ARRDC5: variants seen among roughly 807,000 people sequenced by gnomAD.
ARRDC5 encodes the protein arrestin domain containing 5, also known as arrestin domain-containing protein 5.
A neutral mutation model predicts 13.3 loss-of-function variants in ARRDC5; 12 were observed. The ratio of observed to expected loss-of-function variants is 0.90; its 90% CI spans 0.58 to 1.46. The LOEUF (loss-of-function observed/expected upper bound fraction) is 1.46, where lower values mean the gene tolerates loss of function less well. ARRDC5 is among the 40% of genes most tolerant of loss of function. The probability of loss-of-function intolerance (pLI) is 0.00; values close to 1 mark genes in which losing one functional copy is unlikely to be tolerated. For synonymous variants in ARRDC5, 181 were observed against 173.4 expected, an observed-to-expected ratio of 1.04 and a Z score of -0.34; for missense variants, 406 against 418.7, an observed-to-expected ratio of 0.97 and a Z score of 0.26.
chr19:4,911,429 T>C, the ARRDC5 span, among the ~76,000 whole-genome samples: 1 of 152,182 alleles, frequency 6.6e-6, no homozygotes, highest in Non-Finnish European at 1.5e-5. Flanking sequence ...TTTTCTTTTT[T>C]AAACATCCAC....
chr19:4,896,563 C>G (rs1466356362), intron 2 of ARRDC5, 108 bp downstream of exon 2: 9 of 805,606 alleles, frequency 1.1e-5, no homozygotes, highest in Non-Finnish European at 1.8e-5. Context: ...CTGCCAACAC[C>G]CTTCCCTTCT....
rs756148998 is a variant in ARRDC5 at position 4,891,214 on chromosome 19, C to G, written c.819G>C (p.Glu273Asp). ...LSVSSSTQDGEIMHTRYELVT... is the reference protein window; with the variant it reads ...LSVSSSTQDGDIMHTRYELVT... ...CCAGCTCGTAGCGAGTGTGCATGAT[C>G]TCACCGTCCTGCGTGCTGCTGCTCA... Residue 273 changes from glutamate to aspartate, a missense_variant, in exon 3 of 3, where the codon GAG (glutamate) becomes GAC (aspartate). Coordinates refer to ENST00000650722, the MANE Select transcript of ARRDC5 (RefSeq NM_001080523.3). 6 of 1,613,870 alleles carry G rather than the reference C, an allele frequency of 3.7e-6. No homozygotes were observed. The highest frequency in any genetic ancestry group is 2.5e-6 in the Non-Finnish European group (3 of 1,179,862).
Position 4,891,551 on chromosome 19 carries a change from T to G in ARRDC5, c.482A>C (p.Glu161Ala), listed in dbSNP as rs779416771. 6 of 1,613,096 alleles carry G rather than the reference T, an allele frequency of 3.7e-6. No individual in the cohort carries two copies. Among genetic ancestry groups the G allele is most frequent in the Non-Finnish European group, 5.1e-6 (6 of 1,179,562 alleles). Reference protein sequence around the residue: ...PFQNPLFVEAEEKVSYNCCRQ... With the variant: ...PFQNPLFVEAAEKVSYNCCRQ... Reference sequence around the variant, plus strand: ...GCAGCAGTTGTAGGAGACTTTCTCCTCAGCCTCCACGAACAAGGGGTTCTA... The same window carrying G: ...GCAGCAGTTGTAGGAGACTTTCTCCGCAGCCTCCACGAACAAGGGGTTCTA... Residue 161 changes from glutamate to alanine, a missense_variant, in exon 3 of 3, where the codon GAG (glutamate) becomes GCG (alanine). Transcript: ENST00000650722.
At chr19:4,911,961 C>G in the ARRDC5 span, among the ~76,000 whole-genome samples, 1 of 152,148 alleles carries the variant, frequency 6.6e-6, no homozygotes, top group Non-Finnish European at 1.5e-5. Context: ...GGTACTGCTG[C>G]CATCTGGTGT....
At chr19:4,916,699 C>A in the ARRDC5 span, among the ~76,000 whole-genome samples, 1,546 of 152,362 alleles carry the variant, frequency 0.01, 22 homozygotes, top group African/African-American at 0.032. Context: ...CTCCTGCATC[C>A]GTTTTTCCTT....
chr19:4,909,739 AG>A, the ARRDC5 span: 5 of 488,128 alleles, frequency 1.0e-5, no homozygotes, highest in Non-Finnish European at 1.8e-5. Context: ...CCGCGCGGCC[AG>A]CCCGGGCGCA....
Position 4,890,779 on chromosome 19 carries a change from A to G in ARRDC5, c.*267T>C. 2.4e-6 allele frequency: 1 copy of G among 421,272 alleles called. No homozygotes were observed. The highest frequency in any genetic ancestry group is 4.6e-5 in the East Asian group (1 of 21,670). The allele number at this position is 421,272 out of a possible 1,614,324, so 26.1% of individuals were successfully genotyped here. A position where few individuals can be genotyped will look rare whatever the true frequency, so the allele number is the denominator to read the frequency against. Reference sequence around the variant, plus strand: ...CCTGGTCTTGGCACTGTGAGACCCCAGTAGGCTGGGGCAGACTCAGGGTGG... The same window carrying G: ...CCTGGTCTTGGCACTGTGAGACCCCGGTAGGCTGGGGCAGACTCAGGGTGG... On this transcript the variant is annotated 3_prime_UTR_variant, in exon 3 of 3. Transcript: ENST00000650722.
chr19:4,891,337 G>C lies in ARRDC5; in HGVS notation c.696C>G (p.Asp232Glu), dbSNP rs1348650946. ...CCTCCTGCCTCAGAAGCTCGCTGCTGTCCAGCCGAGACCGCCGCTCTGCAC... is the reference window on the plus strand; with the variant it reads ...CCTCCTGCCTCAGAAGCTCGCTGCTCTCCAGCCGAGACCGCCGCTCTGCAC... ...TPSAERRSRL[D>E]SSELLRQEAN... The change falls in exon 3 of 3, where the codon GAC (aspartate) becomes GAG (glutamate). Residue 232 changes from aspartate to glutamate, a missense_variant. Asp to Glu is a conservative substitution (Grantham distance 45, BLOSUM62 2). Transcript: ENST00000650722. 4 of 1,613,710 alleles carry C rather than the reference G, an allele frequency of 2.5e-6. No homozygotes were observed. Among genetic ancestry groups the C allele is most frequent in the Non-Finnish European group, 3.4e-6 (4 of 1,179,872 alleles).
At chr19:4,916,103 T>C in the ARRDC5 span, among the ~76,000 whole-genome samples, 163 of 150,970 alleles carry the variant, frequency 1.1e-3, no homozygotes, top group African/African-American at 3.8e-3. Flanking sequence ...AGGTTGGGAG[T>C]TTGAGACCAG....
At chr19:4,900,350 T>C (rs2031877557) in intron 1 of ARRDC5, among the ~76,000 whole-genome samples, 1 of 151,374 alleles carries the variant, frequency 6.6e-6, no homozygotes, top group Non-Finnish European at 1.5e-5. Flanking sequence ...ACTCTTGTCC[T>C]CTGGTGATCT....
chr19:4,893,647 T>C (rs141687002), intron 2 of ARRDC5, among the ~76,000 whole-genome samples: 2,034 of 150,160 alleles, frequency 0.014, 20 homozygotes, highest in Non-Finnish European at 0.021. Flanking sequence ...TCCCAGCACT[T>C]TGGGGAGGCC....
the ARRDC5 span, chr19:4,910,760 C>A: frequency 7.7e-7 from 1 of 1,305,060 alleles, no homozygotes; most frequent in Non-Finnish European, 1.0e-6. Flanking sequence ...GAAGGGCATC[C>A]TGGGAGTTTC....
chr19:4,904,113 A>T (rs1409272480), upstream of ARRDC5, among the ~76,000 whole-genome samples: 1 of 151,674 alleles, frequency 6.6e-6, no homozygotes, highest in Non-Finnish European at 1.5e-5. Flanking sequence ...AGTAGCTGGG[A>T]TTACGGGCAT....
At chr19:4,914,042 C>T in the ARRDC5 span, among the ~76,000 whole-genome samples, 8 of 151,904 alleles carry the variant, frequency 5.3e-5, no homozygotes, top group East Asian at 1.4e-3. Flanking sequence ...CTCGAACTCC[C>T]GACCTCAGGT....
the ARRDC5 span, chr19:4,909,697 C>A: frequency 9.9e-6 from 5 of 507,288 alleles, no homozygotes; most frequent in Non-Finnish European, 1.7e-5. Context: ...CCGGGCCGGG[C>A]GCACGGGGCT....
chr19:4,896,405 C>CACACACATATATAT (rs539564532), intron 2 of ARRDC5, among the ~76,000 whole-genome samples: 16 of 106,364 alleles, frequency 1.5e-4, no homozygotes, highest in Non-Finnish European at 1.4e-4. Flanking sequence ...CACACACACA[C>CACACACATATATAT]ATATATATAA....
intron 2 of ARRDC5, among the ~76,000 whole-genome samples, chr19:4,896,397 C>CAT (rs1568396105): frequency 8.3e-5 from 11 of 132,040 alleles, no homozygotes; most frequent in Non-Finnish European, 1.5e-4. Flanking sequence ...CACACACACA[C>CAT]ACACACACAT....
At chr19:4,893,074 G>A (rs569578498) in intron 2 of ARRDC5, among the ~76,000 whole-genome samples, 4 of 147,672 alleles carry the variant, frequency 2.7e-5, no homozygotes, top group African/African-American at 1.0e-4. Context: ...CTGCACTCCA[G>A]TCTGGCGAAA....
chr19:4,914,656 CTTT>C, the ARRDC5 span, among the ~76,000 whole-genome samples: 4 of 139,224 alleles, frequency 2.9e-5, no homozygotes, highest in Non-Finnish European at 3.2e-5. Flanking sequence ...ACCCCTCAAT[CTTT>C]TTTTTTTTTT....
Sources: allele counts gnomAD v4.1 joint callset (sites outside exome capture counted in the v4.1 genomes callset), GRCh38; gene constraint gnomAD v4.1.1; transcripts MANE v1.5; gene names NCBI Gene and HGNC (gene_info 2026-07-23, HGNC 2026-07-21).